EYS: variants seen among roughly 807,000 people sequenced by gnomAD.
EYS encodes protein eyes shut homolog.
A neutral mutation model predicts 282.1 loss-of-function variants in EYS; 250 were observed. That is an observed-to-expected ratio of 0.89 (90% CI 0.80 to 0.98). EYS has a LOEUF of 0.98. Ranked by LOEUF, EYS falls within the 50% of genes least tolerant of loss-of-function variation. The pLI is 0.00. For synonymous variants in EYS, 1,355 were observed against 1,282.9 expected (o/e 1.06, Z -1.20); for missense variants, 4,016 against 3,709.0 (o/e 1.08, Z -2.15).
intron 15 of EYS, among the ~76,000 whole-genome samples, chr6:64,943,094 A>C (rs1029980100): frequency 1.3e-5 from 2 of 152,134 alleles, no homozygotes; most frequent in African/African-American, 4.8e-5. Context: ...GCATAAACAG[A>C]ATTAAAAACA....
At chr6:64,092,533 G>A in intron 31 of EYS, among the ~76,000 whole-genome samples, 1 of 152,038 alleles carries the variant, frequency 6.6e-6, no homozygotes, top group Non-Finnish European at 1.5e-5. Context: ...TGTGTCTTTT[G>A]GCTGCATAAA....
chr6:64,484,892 A>G (rs1001413013), intron 26 of EYS, among the ~76,000 whole-genome samples: 1 of 151,630 alleles, frequency 6.6e-6, no homozygotes, highest in Admixed American at 6.6e-5. Context: ...AGGAAAGGAA[A>G]GAGAGCCAGG....
intron 2 of EYS, among the ~76,000 whole-genome samples, chr6:65,624,696 C>A (rs1766636438): frequency 6.6e-6 from 1 of 152,158 alleles, no homozygotes; most frequent in South Asian, 2.1e-4. Context: ...GCTGAGTCTT[C>A]CTGCCTTCAT....
chr6:64,782,040 G>A (rs1455137588), intron 22 of EYS, among the ~76,000 whole-genome samples: 1 of 152,144 alleles, frequency 6.6e-6, no homozygotes, highest in Non-Finnish European at 1.5e-5. Flanking sequence ...CCAGTAAAAC[G>A]ATGTTTTGTC....
chr6:64,312,587 A>C (rs1433277609), intron 29 of EYS, among the ~76,000 whole-genome samples: 1 of 152,212 alleles, frequency 6.6e-6, no homozygotes, highest in Non-Finnish European at 1.5e-5. Context: ...CCTGACTAGG[A>C]GACATCTCCC....
At chr6:63,725,274 C>G (rs796667607) in intron 42 of EYS, among the ~76,000 whole-genome samples, 17 of 152,182 alleles carry the variant, frequency 1.1e-4, no homozygotes, top group African/African-American at 4.1e-4. Context: ...AAGATGTGCT[C>G]TTGCCCTCCT....
chr6:63,899,923 T>C (rs1773620012), intron 35 of EYS, among the ~76,000 whole-genome samples: 2 of 152,244 alleles, frequency 1.3e-5, no homozygotes, highest in Non-Finnish European at 2.9e-5. Context: ...AGGAGTAGCC[T>C]TTTTGTTAAT....
At chr6:65,256,011 GA>G (rs1767450081) in intron 12 of EYS, among the ~76,000 whole-genome samples, 1 of 151,844 alleles carries the variant, frequency 6.6e-6, no homozygotes, top group Non-Finnish European at 1.5e-5. Context: ...ATATTAAAAG[GA>G]AAAAAATCAA....
chr6:63,938,517 T>G (rs1765138747), intron 35 of EYS, among the ~76,000 whole-genome samples: 1 of 152,242 alleles, frequency 6.6e-6, no homozygotes, highest in Admixed American at 6.5e-5. Flanking sequence ...AGAAGCTATT[T>G]TCTTAAATAC....
intron 2 of EYS, among the ~76,000 whole-genome samples, chr6:65,581,934 C>T (rs1582481568): frequency 6.6e-6 from 1 of 151,818 alleles, no homozygotes; most frequent in East Asian, 1.9e-4. Flanking sequence ...TCACACCTGT[C>T]ATCCCAGCAC....
In EYS at chr6:64,824,089, A is replaced by G. The variant is rs1049821591; in HGVS notation, c.2993-1267T>C. Among the ~76,000 whole-genome samples, 66 of 151,878 alleles carry G rather than the reference A, an allele frequency of 4.3e-4. 3 individuals carry two copies. The highest frequency in any genetic ancestry group is 4.1e-3 in the Admixed American group (62 of 15,202). ...AGAGTGAGTTACAGATCCTCTTTAC[A>G]TTATCTTCACTCTGAGACCAATGTT... is the stretch of plus-strand genomic sequence containing the variant. On this transcript the variant is annotated intron_variant, in intron 19 of 42. Transcript: ENST00000503581.
intron 13 of EYS, among the ~76,000 whole-genome samples, chr6:65,032,781 T>C (rs1323353290): frequency 1.3e-5 from 2 of 152,060 alleles, no homozygotes; most frequent in East Asian, 3.9e-4. Context: ...GCTATAAAAA[T>C]ACTTGCAGAT....
At chr6:64,294,420 A>G (rs1768829008) in intron 30 of EYS, among the ~76,000 whole-genome samples, 1 of 152,216 alleles carries the variant, frequency 6.6e-6, no homozygotes, top group African/African-American at 2.4e-5. Flanking sequence ...TAGTCACCTT[A>G]CTTCCTTCAT....
At chr6:65,084,826 C>G (rs913969609) in intron 12 of EYS, among the ~76,000 whole-genome samples, 2 of 152,086 alleles carry the variant, frequency 1.3e-5, no homozygotes, top group African/African-American at 4.8e-5. Context: ...TAGCATACAG[C>G]ATGCTGAAAC....
In EYS at chr6:64,995,817, T is replaced by C. The variant is rs191741399; in HGVS notation, c.2259+1765A>G. On this transcript the variant is annotated intron_variant, in intron 14 of 42. Coordinates refer to ENST00000503581, the MANE Select transcript of EYS (RefSeq NM_001142800.2). The stretch of plus-strand genomic sequence containing the variant: ...GGAATAGCTTCTTAGTGGCAATTCA[T>C]AAAATAGATAAATGAGACAAGAATA... Among the ~76,000 whole-genome samples, 295 of 151,400 alleles carry C rather than the reference T, an allele frequency of 1.9e-3. 2 individuals are homozygous for C. Among genetic ancestry groups the C allele is most frequent in the Non-Finnish European group, 3.4e-3 (228 of 67,860 alleles).
At chr6:65,672,205 G>T (rs187014668) in intron 1 of EYS, among the ~76,000 whole-genome samples, 1 of 152,194 alleles carries the variant, frequency 6.6e-6, no homozygotes, top group Admixed American at 6.5e-5. Flanking sequence ...CTTTCGGGAG[G>T]AGCTGCCTGA....
chr6:65,057,028 T>G (rs1056612785), intron 13 of EYS, among the ~76,000 whole-genome samples: 1 of 152,080 alleles, frequency 6.6e-6, no homozygotes, highest in South Asian at 2.1e-4. Flanking sequence ...TTTTATTTAG[T>G]TGAACAGTTT....
intron 26 of EYS, among the ~76,000 whole-genome samples, chr6:64,497,135 T>A (rs1230507539): frequency 6.6e-6 from 1 of 152,122 alleles, no homozygotes; most frequent in African/African-American, 2.4e-5. Flanking sequence ...AATGCAAGTA[T>A]AAAAGACTTC....
At chr6:63,922,586 G>A (rs1350597880) in intron 35 of EYS, among the ~76,000 whole-genome samples, 3 of 152,136 alleles carry the variant, frequency 2.0e-5, no homozygotes, top group African/African-American at 7.2e-5. Context: ...GGTCTAGGGA[G>A]AGAAGATAAT....
Sources: gnomAD v4.1 joint callset for allele counts (sites outside exome capture counted in the v4.1 genomes callset) on GRCh38, gnomAD v4.1.1 for gene constraint, MANE v1.5 for transcripts, NCBI Gene and HGNC (gene_info 2026-07-23, HGNC 2026-07-21) for gene names.